The following BRWD1 variants were observed in gnomAD, a reference collection of about 807,000 sequenced individuals.
BRWD1 encodes the protein bromodomain and WD repeat-containing protein 1.
Under a neutral mutation model 251.2 loss-of-function variants are expected in BRWD1, and 82 were observed. The observed-to-expected ratio is 0.33, with a 90% CI of 0.27 to 0.39. The LOEUF (loss-of-function observed/expected upper bound fraction) is 0.39, where lower values mean the gene tolerates loss of function less well. Ranked by LOEUF, BRWD1 falls within the 10% of genes least tolerant of loss-of-function variation. BRWD1 has a pLI of 1.00. For missense variants in BRWD1, 2,233 were observed against 2,711.6 expected (o/e 0.82, Z 3.92); for synonymous variants, 918 against 902.8 (o/e 1.02, Z -0.30).
chr21:39,302,984 A>T (rs1360161540), intron 4 of BRWD1, among the ~76,000 whole-genome samples: 1 of 150,614 alleles, frequency 6.6e-6, no homozygotes, highest in Non-Finnish European at 1.5e-5. Context: ...GCTTGAACCC[A>T]GGAGACAAAG....
At chr21:39,243,017 C>A (rs537793319) in intron 21 of BRWD1, among the ~76,000 whole-genome samples, 1 of 152,308 alleles carries the variant, frequency 6.6e-6, no homozygotes, top group East Asian at 1.9e-4. Flanking sequence ...GCTAACACCA[C>A]ATCCATTCTG....
chr21:39,252,249 C>CAAAA (rs36017444), intron 19 of BRWD1, among the ~76,000 whole-genome samples: 62 of 122,240 alleles, frequency 5.1e-4, no homozygotes, highest in African/African-American at 8.4e-4. Flanking sequence ...AACTCCGTCT[C>CAAAA]AAAAAAAAAA....
At chr21:39,272,305 T>TAA (rs1555871883) in intron 13 of BRWD1, among the ~76,000 whole-genome samples, 6 of 110,122 alleles carry the variant, frequency 5.4e-5, no homozygotes, top group South Asian at 6.1e-4. Context: ...AAAACTTAAA[T>TAA]AAATAAAAAA....
At chr21:39,202,812 C>T (rs977061156) in intron 37 of BRWD1, among the ~76,000 whole-genome samples, 1 of 151,996 alleles carries the variant, frequency 6.6e-6, no homozygotes, top group African/African-American at 2.4e-5. Context: ...ATTTGAATAC[C>T]TTACATTCTT....
intron 8 of BRWD1, among the ~76,000 whole-genome samples, chr21:39,280,664 A>T (rs891686572): frequency 6.6e-6 from 1 of 152,226 alleles, no homozygotes; most frequent in African/African-American, 2.4e-5. Context: ...GGGAGAAAAC[A>T]TGAATCCTAA....
At chr21:39,217,046 T>C (rs1568877856) in intron 31 of BRWD1, 1 of 17,788 alleles carries the variant, frequency 5.6e-5, no homozygotes, top group Non-Finnish European at 1.1e-4. Context: ...AATATATATA[T>C]ATATTTATAT....
intron 8 of BRWD1, among the ~76,000 whole-genome samples, chr21:39,284,501 TACTGTTTCCC>T (rs539708808): frequency 1.1e-3 from 160 of 152,310 alleles, no homozygotes; most frequent in African/African-American, 3.5e-3. Flanking sequence ...AGAACCTCCA[TACTGTTTCCC>T]ATAATAGTTG....
intron 10 of BRWD1, 40 bp downstream of exon 10, chr21:39,278,701 TAA>T (rs111898109): frequency 2.3e-5 from 25 of 1,093,818 alleles, no homozygotes; most frequent in South Asian, 1.1e-4. Flanking sequence ...AATAGATGTT[TAA>T]AAAAAAAAAA....
chr21:39,292,660 A>G (rs2035849802), intron 8 of BRWD1, among the ~76,000 whole-genome samples: 1 of 152,214 alleles, frequency 6.6e-6, no homozygotes, highest in Non-Finnish European at 1.5e-5. Context: ...GGAACATATT[A>G]AACTACTCCA....
At chr21:39,214,895 T>C (rs13046546) in intron 32 of BRWD1, among the ~76,000 whole-genome samples, 1 of 103,806 alleles carries the variant, frequency 9.6e-6, no homozygotes, top group Non-Finnish European at 2.0e-5. Flanking sequence ...TTTTTTTTTT[T>C]CTGGAGACAG....
intron 12 of BRWD1, among the ~76,000 whole-genome samples, chr21:39,274,697 C>T (rs917200337): frequency 1.3e-5 from 2 of 152,166 alleles, no homozygotes; most frequent in African/African-American, 4.8e-5. Context: ...ACCTCAAACT[C>T]AATCAATAGC....
chr21:39,187,452 A>T lies in BRWD1; in HGVS notation c.*8807T>A. 1 of 1,519,850 alleles carries T rather than the reference A, an allele frequency of 6.6e-7. No individual in the cohort carries two copies. The highest frequency in any genetic ancestry group is 8.8e-7 in the Non-Finnish European group (1 of 1,137,804). 94.1% of individuals were successfully genotyped at this position (1,519,850 alleles called of 1,614,324 possible). A position where few individuals can be genotyped will look rare whatever the true frequency, so the allele number is the denominator to read the frequency against. On this transcript the variant is annotated 3_prime_UTR_variant, in exon 41 of 41. Transcript: ENST00000342449. ...GAGTGAAAGTTCATGTAAATGCAAA[A>T]ATCTTGTAACACAAGATTTTACTAC...
chr21:39,312,330 A>G (rs2036513954), intron 4 of BRWD1, among the ~76,000 whole-genome samples: 1 of 152,258 alleles, frequency 6.6e-6, no homozygotes, highest in Non-Finnish European at 1.5e-5. Context: ...ATACAGCTGC[A>G]AGATTTTTAT....
chr21:39,273,512 G>A (rs980309827), intron 13 of BRWD1, among the ~76,000 whole-genome samples: 1 of 152,144 alleles, frequency 6.6e-6, no homozygotes, highest in Non-Finnish European at 1.5e-5. Flanking sequence ...GGAGGCAGAG[G>A]CAAGAGGATC....
chr21:39,262,587 C>A (rs2146647797), intron 17 of BRWD1, among the ~76,000 whole-genome samples: 1 of 152,276 alleles, frequency 6.6e-6, no homozygotes, highest in East Asian at 1.9e-4. Context: ...TGGTGGCACA[C>A]ACCTGTAGTC....
chr21:39,271,984 A>G (rs1420568010), intron 13 of BRWD1, among the ~76,000 whole-genome samples: 1 of 136,616 alleles, frequency 7.3e-6, no homozygotes, highest in African/African-American at 2.8e-5. Flanking sequence ...GGTTGCAATG[A>G]GCTGAGACCG....
upstream of BRWD1, chr21:39,313,712 G>C: frequency 2.6e-6 from 1 of 382,714 alleles, no homozygotes; most frequent in Non-Finnish European, 4.7e-6. Flanking sequence ...GCGGGGGTTT[G>C]CGCCAAGAGA....
chr21:39,215,959 C>CA (rs751272193), intron 31 of BRWD1, among the ~76,000 whole-genome samples: 3 of 151,572 alleles, frequency 2.0e-5, no homozygotes, highest in East Asian at 3.9e-4. Flanking sequence ...ATCATCATGC[C>CA]ACTGCACTCC....
rs924511130 is a variant in BRWD1, at chr21:39,186,083, T to G, written c.*10176A>C. The G allele has an allele frequency of 2.0e-5, 3 of 152,182 alleles. No individual in the cohort carries two copies. The highest frequency in any genetic ancestry group is 4.4e-5 in the Non-Finnish European group (3 of 67,996). The allele number at this position is 152,182 out of a possible 1,614,324, so 9.4% of individuals were successfully genotyped here. A position where few individuals can be genotyped will look rare whatever the true frequency, so the allele number is the denominator to read the frequency against. On this transcript the variant is annotated 3_prime_UTR_variant, in exon 41 of 41. Transcript: ENST00000342449. ...ATTGTAGTAAGTTTACTCAAAGTATTCAAGTTCTAATTTTTAAGGTGCTGT... is the reference window on the plus strand; with the variant it reads ...ATTGTAGTAAGTTTACTCAAAGTATGCAAGTTCTAATTTTTAAGGTGCTGT...
Sources: gnomAD v4.1 joint callset for allele counts (sites outside exome capture counted in the v4.1 genomes callset) on GRCh38, gnomAD v4.1.1 for gene constraint, MANE v1.5 for transcripts, NCBI Gene and HGNC (gene_info 2026-07-23, HGNC 2026-07-21) for gene names.